The following WDR70 variants were observed in gnomAD, a reference collection of about 807,000 sequenced individuals.
WDR70 encodes WD repeat-containing protein 70.
Under a neutral mutation model 88.6 loss-of-function variants are expected in WDR70, and 53 were observed. That is an observed-to-expected ratio of 0.60 (90% CI 0.48 to 0.75). The LOEUF is 0.75. Ranked by LOEUF, WDR70 falls within the 30% of genes least tolerant of loss-of-function variation. The pLI is 0.00. For synonymous variants in WDR70, 280 were observed against 270.0 expected (o/e 1.04, Z -0.36); for missense variants, 610 against 823.2 (o/e 0.74, Z 3.17).
In WDR70 at chr5:37,479,822, CT is replaced by C; in HGVS notation, c.687-8del. On this transcript the variant is annotated splice_polypyrimidine_tract_variant and intron_variant, in intron 7 of 17. Transcript: ENST00000265107. ...TTAGTATCTTACCAACTTTCCTTTT[CT>C]TTTCGTACAGCCATCAGATCAAGTC... 1 of 1,601,240 alleles carries C rather than the reference CT, an allele frequency of 6.2e-7. No homozygotes were observed. The highest frequency in any genetic ancestry group is 8.5e-7 in the Non-Finnish European group (1 of 1,175,202).
At chr5:37,629,767 G>A (rs950380744) in intron 10 of WDR70, among the ~76,000 whole-genome samples, 8 of 151,952 alleles carry the variant, frequency 5.3e-5, no homozygotes, top group African/African-American at 2.4e-5. Flanking sequence ...TCTTTTTCTG[G>A]CATTGCATGT....
rs562550347 is a variant in WDR70, at chr5:37,537,132, TA to T, written c.917+20543del. On this transcript the variant is annotated intron_variant, in intron 9 of 17. Transcript: ENST00000265107. ...TTGTTTTTAAGTTTAGTTTCTCAGA[TA>T]TTTTTTGGAAAAGGTATGTTTAATA... 6.0e-4 allele frequency among the ~76,000 whole-genome samples: 91 copies of T among 152,350 alleles called. 1 individual carries two copies. The highest frequency in any genetic ancestry group is 5.8e-3 in the South Asian group (28 of 4,834).
At chr5:37,639,196 A>C (rs961683972) in intron 10 of WDR70, among the ~76,000 whole-genome samples, 1 of 152,226 alleles carries the variant, frequency 6.6e-6, no homozygotes, top group African/African-American at 2.4e-5. Flanking sequence ...TAACAATATG[A>C]TGGAAAAACC....
intron 10 of WDR70, among the ~76,000 whole-genome samples, chr5:37,666,555 C>A (rs559943897): frequency 6.6e-6 from 1 of 152,244 alleles, no homozygotes; most frequent in East Asian, 1.9e-4. Flanking sequence ...CTAATAGAAC[C>A]CACTATTCTA....
intron 9 of WDR70, among the ~76,000 whole-genome samples, chr5:37,586,239 C>G (rs1205261769): frequency 6.6e-6 from 1 of 152,098 alleles, no homozygotes; most frequent in Non-Finnish European, 1.5e-5. Flanking sequence ...TTATCTCTCC[C>G]TCATTGTTTC....
At chr5:37,565,353 T>C (rs1742706808) in intron 9 of WDR70, among the ~76,000 whole-genome samples, 1 of 152,186 alleles carries the variant, frequency 6.6e-6, no homozygotes, top group African/African-American at 2.4e-5. Context: ...CTTGACAAAC[T>C]CCTTTTAAGG....
chr5:37,438,241 G>A (rs1750539394), intron 6 of WDR70, among the ~76,000 whole-genome samples: 1 of 152,044 alleles, frequency 6.6e-6, no homozygotes. Flanking sequence ...CATTATAAGT[G>A]GAAGAAAGAA....
intron 5 of WDR70, among the ~76,000 whole-genome samples, chr5:37,427,244 C>G (rs1394077843): frequency 6.6e-6 from 1 of 152,058 alleles, no homozygotes; most frequent in East Asian, 1.9e-4. Flanking sequence ...AAAAAATTAG[C>G]TGGGCGTGGT....
At chr5:37,626,165 A>G (rs1581446149) in intron 10 of WDR70, among the ~76,000 whole-genome samples, 1 of 152,196 alleles carries the variant, frequency 6.6e-6, no homozygotes, top group African/African-American at 2.4e-5. Context: ...TATGTTGAAT[A>G]AGAATACTGA....
At chr5:37,699,775 C>T (rs374611598) in intron 11 of WDR70, among the ~76,000 whole-genome samples, 5 of 151,790 alleles carry the variant, frequency 3.3e-5, no homozygotes, top group African/African-American at 9.7e-5. Context: ...TGATGAAACC[C>T]TGTCTCTACG....
chr5:37,575,528 A>T (rs568502151), intron 9 of WDR70, among the ~76,000 whole-genome samples: 8 of 152,312 alleles, frequency 5.3e-5, no homozygotes, highest in Non-Finnish European at 8.8e-5. Flanking sequence ...ATAATTTATT[A>T]TGTCTGTGTG....
At chr5:37,572,715 G>C (rs930131040) in intron 9 of WDR70, among the ~76,000 whole-genome samples, 1 of 152,140 alleles carries the variant, frequency 6.6e-6, no homozygotes, top group African/African-American at 2.4e-5. Context: ...GGGAATAAAT[G>C]CATTCAACTG....
intron 9 of WDR70, among the ~76,000 whole-genome samples, chr5:37,554,555 C>G (rs1222884462): frequency 3.9e-5 from 6 of 152,096 alleles, no homozygotes; most frequent in South Asian, 2.1e-4. Flanking sequence ...ATCCCAGAAG[C>G]CTTAAAGTGG....
chr5:37,699,357 CACAG>C (rs1315147210), intron 11 of WDR70, among the ~76,000 whole-genome samples: 13 of 125,380 alleles, frequency 1.0e-4, no homozygotes, highest in African/African-American at 3.1e-4. Context: ...CACACACACA[CACAG>C]TGTGTGTGTG....
intron 13 of WDR70, among the ~76,000 whole-genome samples, chr5:37,708,456 A>G (rs904158796): frequency 2.6e-5 from 4 of 152,052 alleles, no homozygotes; most frequent in Non-Finnish European, 5.9e-5. Flanking sequence ...ATATAATTAC[A>G]TGTTACACAT....
chr5:37,544,087 G>A (rs1741912914), intron 9 of WDR70, among the ~76,000 whole-genome samples: 1 of 152,106 alleles, frequency 6.6e-6, no homozygotes, highest in African/African-American at 2.4e-5. Context: ...TCAGGTTTTT[G>A]GAGGATATCT....
At chr5:37,636,771 G>A (rs1744977930) in intron 10 of WDR70, among the ~76,000 whole-genome samples, 1 of 152,130 alleles carries the variant, frequency 6.6e-6, no homozygotes, top group African/African-American at 2.4e-5. Flanking sequence ...AAAATCATGA[G>A]CTATCCTAGA....
At chr5:37,706,039 G>A (rs1747312295) in intron 13 of WDR70, among the ~76,000 whole-genome samples, 1 of 152,194 alleles carries the variant, frequency 6.6e-6, no homozygotes, top group Admixed American at 6.5e-5. Context: ...AACAATCTAT[G>A]CAGTTATTCC....
chr5:37,586,456 A>T (rs1743367214), intron 9 of WDR70, among the ~76,000 whole-genome samples: 1 of 152,034 alleles, frequency 6.6e-6, no homozygotes, highest in African/African-American at 2.4e-5. Context: ...CATGTGCAGA[A>T]TGTGCAGTTT....
Sources: gnomAD v4.1 joint callset for allele counts (sites outside exome capture counted in the v4.1 genomes callset) on GRCh38, gnomAD v4.1.1 for gene constraint, MANE v1.5 for transcripts, NCBI Gene and HGNC (gene_info 2026-07-23, HGNC 2026-07-21) for gene names.